Variants in PHKA2 observed in about 807,000 individuals in gnomAD.
PHKA2 encodes phosphorylase b kinase regulatory subunit alpha, liver isoform.
A neutral mutation model predicts 102.0 loss-of-function variants in PHKA2; 31 were observed. That is an observed-to-expected ratio of 0.30 (90% CI 0.23 to 0.41). The LOEUF is 0.41. PHKA2 is among the 10% of genes least tolerant of loss of function. The probability of loss-of-function intolerance (pLI) is 1.00; values close to 1 mark genes in which losing one functional copy is unlikely to be tolerated. For synonymous variants in PHKA2, 455 were observed against 416.2 expected, an observed-to-expected ratio of 1.09 and a Z score of -1.13; for missense variants, 858 against 1,023.1, an observed-to-expected ratio of 0.84 and a Z score of 2.20.
intron 4 of PHKA2, among the ~76,000 whole-genome samples, chrX:18,950,201 G>A (rs1484927123): frequency 8.9e-6 from 1 of 111,900 alleles, no homozygotes; most frequent in African/African-American, 3.2e-5. Flanking sequence ...TGAGTAGCGG[G>A]CTGCTCAGCC....
chrX:18,977,821 T>C lies in PHKA2; in HGVS notation c.78+6034A>G, dbSNP rs1438348615. On this transcript the variant is annotated intron_variant, in intron 1 of 32. Coordinates refer to ENST00000379942, the MANE Select transcript of PHKA2 (RefSeq NM_000292.3). ...TCAGTATCCTATGTTTTAGGTTTTG[T>C]CTCTTACAAATGACACACACCTTTT... is the stretch of plus-strand genomic sequence containing the variant. Among the ~76,000 whole-genome samples, 3 of 112,094 alleles carry C rather than the reference T, an allele frequency of 2.7e-5. No homozygotes were observed. The East Asian group carries it at 8.3e-4, about 31-fold the overall frequency.
rs1432033954 is a variant in PHKA2, at chrX:18,893,392, A to C, written c.*93T>G. 7.6e-5 allele frequency: 68 copies of C among 898,379 alleles called. No homozygotes were observed. Among genetic ancestry groups the C allele is most frequent in the Non-Finnish European group, 1.1e-4 (65 of 614,435 alleles). The allele number at this position is 898,379 out of a possible 1,213,427, so 74.0% of individuals were successfully genotyped here. ...GTTTCTGATGGGACATGCTTTCCTG[A>C]TAGCACAGGGGATCTTGGGGGACAG... On this transcript the variant is annotated 3_prime_UTR_variant, in exon 33 of 33. Transcript: ENST00000379942.
At chrX:18,982,381 T>TA (rs2049183212) in intron 1 of PHKA2, among the ~76,000 whole-genome samples, 1 of 112,670 alleles carries the variant, frequency 8.9e-6, no homozygotes, top group African/African-American at 3.2e-5. Flanking sequence ...TGAATATTCA[T>TA]ATTCTGATGT....
At chrX:18,934,781 G>A (rs754988612) in intron 11 of PHKA2, among the ~76,000 whole-genome samples, 4 of 111,956 alleles carry the variant, frequency 3.6e-5, no homozygotes, top group Non-Finnish European at 7.6e-5. Context: ...GAAGCCTAGT[G>A]AGAGCATCCA....
rs772840841 is a variant in PHKA2, at chrX:18,931,768, CAA to C, written c.1138-22_1138-21del. 6 of 1,056,415 alleles carry C rather than the reference CAA, an allele frequency of 5.7e-6. No homozygotes were observed. The East Asian group carries it at 1.2e-4, about 21-fold the overall frequency. The allele number at this position is 1,056,415 out of a possible 1,213,427, so 87.1% of individuals were successfully genotyped here. A position where few individuals can be genotyped will look rare whatever the true frequency, so the allele number is the denominator to read the frequency against. On this transcript the variant is annotated intron_variant, in intron 11 of 32. Coordinates refer to ENST00000379942, the MANE Select transcript of PHKA2 (RefSeq NM_000292.3). ...ATCTACCTGGAAAGAGAGACAAATCCAAAGTCAGAAAGTCAGAGGATAAAATG... is the reference window on the plus strand; with the variant it reads ...ATCTACCTGGAAAGAGAGACAAATCCAGTCAGAAAGTCAGAGGATAAAATG...
rs149333313 is a variant in PHKA2, at chrX:18,901,065, G to A, written c.3028-366C>T. Among the ~76,000 whole-genome samples, 22 of 105,016 alleles carry A rather than the reference G, an allele frequency of 2.1e-4. No individual in the cohort carries two copies. In the East Asian group the frequency reaches 3.6e-3, roughly 17 times the overall value. The allele number at this position is 105,016 out of a possible 115,157, so 91.2% of individuals were successfully genotyped here. ...AGGTGAACTAAGAAAAGAGACCCCTGTGGCTGGTGGAGAATCCAAGTATCA... is the reference window on the plus strand; with the variant it reads ...AGGTGAACTAAGAAAAGAGACCCCTATGGCTGGTGGAGAATCCAAGTATCA... On this transcript the variant is annotated intron_variant, in intron 27 of 32. Coordinates refer to ENST00000379942, the MANE Select transcript of PHKA2 (RefSeq NM_000292.3).
intron 1 of PHKA2, among the ~76,000 whole-genome samples, chrX:18,959,442 C>A (rs376783313): frequency 1.1e-4 from 12 of 111,536 alleles, no homozygotes; most frequent in African/African-American, 3.9e-4. Flanking sequence ...GAAAAAAACA[C>A]CAAAGTTTGG....
intron 1 of PHKA2, among the ~76,000 whole-genome samples, chrX:18,982,631 C>G (rs1410295669): frequency 1.8e-5 from 2 of 111,338 alleles, no homozygotes; most frequent in Non-Finnish European, 3.8e-5. Flanking sequence ...GTCAGGAGGT[C>G]GAGACCAGCC....
chrX:18,954,176 C>T (rs780287432), intron 2 of PHKA2, 78 bp downstream of exon 2: 2 of 1,043,146 alleles, frequency 1.9e-6, no homozygotes, highest in East Asian at 3.0e-5. Context: ...TCTGCACACA[C>T]AGCTACTTCT....
At chrX:18,943,631 TG>T in intron 7 of PHKA2, 78 bp downstream of exon 7, 1 of 790,068 alleles carries the variant, frequency 1.3e-6, no homozygotes, top group Non-Finnish European at 2.0e-6. Context: ...GCCAGCAAGG[TG>T]GGGAATCTGC....
intron 1 of PHKA2, among the ~76,000 whole-genome samples, chrX:18,962,114 A>T (rs1461752241): frequency 8.9e-6 from 1 of 112,157 alleles, no homozygotes; most frequent in East Asian, 2.8e-4. Flanking sequence ...TCTTCATCAC[A>T]TCAGCTTGAG....
At chrX:18,938,815 T>G in intron 9 of PHKA2, 66 bp from the exon 10 acceptor site, 1 of 1,026,750 alleles carries the variant, frequency 9.7e-7, no homozygotes. Flanking sequence ...CCATTGTGCC[T>G]CATGGGGTTT....
rs1055009769 is a variant in PHKA2 at position 18,970,949 on chromosome X, T to G, written c.78+12906A>C. Among the ~76,000 whole-genome samples the G allele has an allele frequency of 5.3e-5, 6 of 112,492 alleles. No homozygotes were observed. The South Asian group carries it at 2.2e-3, about 41-fold the overall frequency. ...ATGCCTTGCCCATAAAGCCTTCCCA[T>G]GAATAATGTTTAGTACTTTCCTGGT... On this transcript the variant is annotated intron_variant, in intron 1 of 32. Coordinates refer to ENST00000379942, the MANE Select transcript of PHKA2 (RefSeq NM_000292.3).
chrX:18,944,624 G>A (rs1425272829), intron 6 of PHKA2, among the ~76,000 whole-genome samples: 2 of 111,679 alleles, frequency 1.8e-5, no homozygotes, highest in Non-Finnish European at 3.8e-5. Context: ...AAGTTTCCCA[G>A]TGTCCCCAAT....
intron 1 of PHKA2, among the ~76,000 whole-genome samples, chrX:18,981,863 A>G (rs1352911720): frequency 9.1e-6 from 1 of 110,453 alleles, no homozygotes; most frequent in Non-Finnish European, 1.9e-5. Context: ...CACTCAGTGG[A>G]AGCAAGTGTT....
At chrX:18,941,784 T>C (rs1299173605) in intron 7 of PHKA2, 109 bp from the exon 8 acceptor site, 2 of 576,474 alleles carry the variant, frequency 3.5e-6, no homozygotes, top group Non-Finnish European at 6.1e-6. Context: ...GTTGCCAATT[T>C]TGAGTAGAGC....
chrX:18,897,320 G>A lies in PHKA2; in HGVS notation c.3125C>T (p.Pro1042Leu), dbSNP rs2147816961. ...HSSKSARSST[P>L]SSPTGTSSSD... ...GGATGACGTGCCAGTGGGCGAGGAT[G>A]GGGTGCTGGACCTCTGCAAGACAGA... is the stretch of plus-strand genomic sequence containing the variant. Residue 1042 changes from proline to leucine, a missense_variant, in exon 30 of 33, where the codon CCA becomes CTA. Physicochemically the swap from Pro to Leu is moderately conservative, Grantham distance 98 (BLOSUM62 -3). This residue lies in a region of PHKA2 where 671 missense variants were observed against 745.2 expected (regional missense o/e 0.90). Transcript: ENST00000379942. 23 of 1,209,395 alleles carry A rather than the reference G, an allele frequency of 1.9e-5. No individual in the cohort carries two copies. Among genetic ancestry groups the A allele is most frequent in the Non-Finnish European group, 2.6e-5 (23 of 894,940 alleles).
rs192675541 is a variant in PHKA2, at chrX:18,967,206, A to G, written c.79-12794T>C. 4.5e-5 allele frequency among the ~76,000 whole-genome samples: 5 copies of G among 110,916 alleles called. No homozygotes were observed. The East Asian group carries it at 1.4e-3, about 32-fold the overall frequency. The stretch of plus-strand genomic sequence containing the variant: ...GGGGTCACTCTTGACAGAGAGGCAA[A>G]GTTTTCAAGTCAGTGGAGCCTGTTA... On this transcript the variant is annotated intron_variant, in intron 1 of 32. Coordinates refer to ENST00000379942, the MANE Select transcript of PHKA2 (RefSeq NM_000292.3).
At chrX:18,949,186 C>CT (rs2048636089) in intron 4 of PHKA2, among the ~76,000 whole-genome samples, 2 of 111,714 alleles carry the variant, frequency 1.8e-5, no homozygotes, top group South Asian at 7.5e-4. Flanking sequence ...GACACTGTCT[C>CT]TATCTTTGAG....
Sources: gnomAD v4.1 joint callset for allele counts (sites outside exome capture counted in the v4.1 genomes callset) on GRCh38, gnomAD v4.1.1 for gene constraint, gnomAD v4.1.1 regional missense constraint, MANE v1.5 for transcripts, NCBI Gene and HGNC (gene_info 2026-07-23, HGNC 2026-07-21) for gene names.